CTNND2: variants seen among roughly 807,000 people sequenced by gnomAD.
CTNND2 encodes catenin delta-2.
Under a neutral mutation model 144.4 loss-of-function variants are expected in CTNND2, and 22 were observed. The ratio of observed to expected loss-of-function variants is 0.15; its 90% CI spans 0.11 to 0.22. CTNND2 has a LOEUF of 0.22. Ranked by LOEUF, CTNND2 falls within the 10% of genes least tolerant of loss-of-function variation. CTNND2 has a pLI of 1.00. For synonymous variants in CTNND2, 751 were observed against 695.6 expected (o/e 1.08, Z -1.25); for missense variants, 1,353 against 1,618.8 (o/e 0.84, Z 2.82).
rs954234620 is a variant in CTNND2, at chr5:11,732,624, A to C, written c.38-352T>G. On this transcript the variant is annotated intron_variant, in intron 1 of 21. Transcript: ENST00000304623. ...GTCTAAGAAGCTAGTCCAACTATAA[A>C]TTTATGACTATTTTAGGTAAATTTA... Among the ~76,000 whole-genome samples the C allele has an allele frequency of 3.3e-5, 5 of 152,116 alleles. No individual in the cohort carries two copies. The East Asian group carries it at 9.6e-4, about 29-fold the overall frequency.
At chr5:11,056,593 C>T (rs545333958) in intron 16 of CTNND2, among the ~76,000 whole-genome samples, 1 of 152,320 alleles carries the variant, frequency 6.6e-6, no homozygotes, top group Admixed American at 6.5e-5. Context: ...GCTGGGACTA[C>T]AGGCATGTGT....
At chr5:11,815,350 T>C (rs1171273971) in intron 1 of CTNND2, among the ~76,000 whole-genome samples, 1 of 152,222 alleles carries the variant, frequency 6.6e-6, no homozygotes, top group African/African-American at 2.4e-5. Flanking sequence ...AATACTGTCA[T>C]AATTATGCCT....
intron 9 of CTNND2, among the ~76,000 whole-genome samples, chr5:11,308,814 A>C (rs1750513099): frequency 6.6e-6 from 1 of 152,104 alleles, no homozygotes; most frequent in Non-Finnish European, 1.5e-5. Context: ...ACTACCTGAG[A>C]CTGGGTAATT....
At chr5:11,627,890 C>T (rs1331545257) in intron 2 of CTNND2, among the ~76,000 whole-genome samples, 2 of 150,836 alleles carry the variant, frequency 1.3e-5, no homozygotes, top group Admixed American at 6.6e-5. Flanking sequence ...TCATAAGGAG[C>T]GCACAACCTA....
intron 6 of CTNND2, among the ~76,000 whole-genome samples, chr5:11,391,886 A>G (rs920105776): frequency 5.3e-5 from 8 of 152,348 alleles, no homozygotes; most frequent in South Asian, 2.1e-4. Flanking sequence ...TGTCCACAAC[A>G]AACTGAACTT....
chr5:11,676,153 T>C (rs1485849039), intron 2 of CTNND2, among the ~76,000 whole-genome samples: 1 of 152,012 alleles, frequency 6.6e-6, no homozygotes, highest in Non-Finnish European at 1.5e-5. Flanking sequence ...TTCAATTGCT[T>C]AGATACTGTT....
At chr5:11,111,458 G>C (rs777103590) in intron 13 of CTNND2, among the ~76,000 whole-genome samples, 4 of 152,104 alleles carry the variant, frequency 2.6e-5, no homozygotes, top group Non-Finnish European at 4.4e-5. Flanking sequence ...TCTGGTGGGG[G>C]GCATATTTAC....
chr5:11,209,808 G>A (rs1263276781), intron 10 of CTNND2, among the ~76,000 whole-genome samples: 1 of 152,112 alleles, frequency 6.6e-6, no homozygotes, highest in Non-Finnish European at 1.5e-5. Context: ...TGTAGTCCCA[G>A]CTACTTGGGA....
chr5:11,330,880 T>G (rs1753076007), intron 9 of CTNND2, among the ~76,000 whole-genome samples: 1 of 152,086 alleles, frequency 6.6e-6, no homozygotes. Context: ...ATGGACACTG[T>G]TTAGCAAACA....
At chr5:11,468,929 A>G (rs1245332457) in intron 3 of CTNND2, among the ~76,000 whole-genome samples, 2 of 152,116 alleles carry the variant, frequency 1.3e-5, no homozygotes, top group Non-Finnish European at 2.9e-5. Context: ...CTGTGGCCCT[A>G]AGGGTTTCTA....
At chr5:11,675,832 C>T (rs912700037) in intron 2 of CTNND2, among the ~76,000 whole-genome samples, 3 of 151,624 alleles carry the variant, frequency 2.0e-5, no homozygotes, top group Admixed American at 2.0e-4. Context: ...TGTCTTCTCA[C>T]TTTATTTCAT....
chr5:11,741,651 T>C (rs1218618144), intron 1 of CTNND2, among the ~76,000 whole-genome samples: 5 of 151,752 alleles, frequency 3.3e-5, no homozygotes, highest in Non-Finnish European at 7.4e-5. Context: ...CAAACCAACA[T>C]GGCACATGTA....
At chr5:11,703,730 T>C (rs1166435394) in intron 2 of CTNND2, among the ~76,000 whole-genome samples, 3 of 152,172 alleles carry the variant, frequency 2.0e-5, no homozygotes, top group Admixed American at 1.3e-4. Context: ...TTGGGTCTCA[T>C]AGAATGGATT....
chr5:11,664,600 CTTACT>C lies in CTNND2; in HGVS notation c.174+67531_174+67535del, dbSNP rs749858947. Among the ~76,000 whole-genome samples, 14 of 152,214 alleles carry C rather than the reference CTTACT, an allele frequency of 9.2e-5. No homozygotes were observed. In the South Asian group the frequency reaches 1.9e-3, roughly 20 times the overall value. On this transcript the variant is annotated intron_variant, in intron 2 of 21. Coordinates refer to ENST00000304623, the MANE Select transcript of CTNND2 (RefSeq NM_001332.4). Reference sequence around the variant, plus strand: ...ATCTCAAATAAAATAAAATATATAACTTACTTTAAAGTTTGTAACATAAACTCATG... The same window carrying C: ...ATCTCAAATAAAATAAAATATATAACTTAAAGTTTGTAACATAAACTCATG...
chr5:11,818,316 C>T (rs932691786), intron 1 of CTNND2, among the ~76,000 whole-genome samples: 38 of 152,004 alleles, frequency 2.5e-4, no homozygotes, highest in East Asian at 5.8e-4. Flanking sequence ...TTACATCACA[C>T]GGCTCATGAC....
chr5:11,247,095 A>C (rs1486828092), intron 9 of CTNND2, among the ~76,000 whole-genome samples: 3 of 152,178 alleles, frequency 2.0e-5, no homozygotes, highest in Non-Finnish European at 4.4e-5. Context: ...CTGCAGGCCT[A>C]AAATCTTGCA....
chr5:11,142,714 C>T (rs1048660114), intron 12 of CTNND2, among the ~76,000 whole-genome samples: 2 of 150,872 alleles, frequency 1.3e-5, no homozygotes, highest in Non-Finnish European at 2.9e-5. Flanking sequence ...CCCGGGTTCA[C>T]GCCATTCTCC....
At chr5:11,052,611 A>C (rs61594653) in intron 16 of CTNND2, among the ~76,000 whole-genome samples, 6,413 of 152,144 alleles carry the variant, frequency 0.042, 475 homozygotes, top group African/African-American at 0.15. Flanking sequence ...TTAAACCAGA[A>C]TTCAAATTCT....
intron 2 of CTNND2, among the ~76,000 whole-genome samples, chr5:11,665,457 C>T (rs1244508322): frequency 6.6e-6 from 1 of 152,130 alleles, no homozygotes; most frequent in Non-Finnish European, 1.5e-5. Context: ...ATAAATCTTA[C>T]TACATTTTCA....
Sources: allele counts gnomAD v4.1 joint callset (sites outside exome capture counted in the v4.1 genomes callset), GRCh38; gene constraint gnomAD v4.1.1; transcripts MANE v1.5; gene names NCBI Gene and HGNC (gene_info 2026-07-23, HGNC 2026-07-21).